LHFPL3: variants seen among roughly 807,000 people sequenced by gnomAD.
LHFPL3 encodes the protein LHFPL tetraspan subfamily member 3.
LHFPL3 carries 5 observed loss-of-function variants against 19.3 expected under a neutral mutation model. The observed-to-expected ratio is 0.26, with a 90% CI of 0.14 to 0.54. The LOEUF (loss-of-function observed/expected upper bound fraction) is 0.54. Among genes scored for constraint, LHFPL3 ranks in the 20% least tolerant of loss-of-function variants. The pLI is 0.94. For synonymous variants in LHFPL3, 133 were observed against 126.2 expected, an observed-to-expected ratio of 1.05 and a Z score of -0.36; for missense variants, 249 against 307.4, an observed-to-expected ratio of 0.81 and a Z score of 1.42.
chr7:104,369,613 T>G (rs868419166), intron 1 of LHFPL3, among the ~76,000 whole-genome samples: 16 of 152,370 alleles, frequency 1.1e-4, no homozygotes, highest in African/African-American at 3.6e-4. Flanking sequence ...TAAACTATTT[T>G]CTGGAGTGGG....
At chr7:104,761,645 G>A (rs150833602) in intron 2 of LHFPL3, among the ~76,000 whole-genome samples, 124 of 152,182 alleles carry the variant, frequency 8.1e-4, no homozygotes, top group African/African-American at 2.8e-3. Flanking sequence ...TCTCTTTACC[G>A]TACAGTTCAT....
chr7:104,521,603 C>A (rs1289365640), intron 1 of LHFPL3, among the ~76,000 whole-genome samples: 1 of 151,994 alleles, frequency 6.6e-6, no homozygotes, highest in African/African-American at 2.4e-5. Flanking sequence ...GAACAGGCAA[C>A]CTACAAAATG....
chr7:104,573,205 G>A (rs1307319873), intron 1 of LHFPL3, among the ~76,000 whole-genome samples: 2 of 152,114 alleles, frequency 1.3e-5, no homozygotes, highest in Admixed American at 1.3e-4. Flanking sequence ...CTGAGGTCAG[G>A]AGTGCAAGAC....
At chr7:104,856,201 C>A (rs1036657231) in intron 2 of LHFPL3, among the ~76,000 whole-genome samples, 1 of 150,676 alleles carries the variant, frequency 6.6e-6, no homozygotes, top group African/African-American at 2.4e-5. Flanking sequence ...AATGCCAATG[C>A]CTGCACTCTG....
intron 1 of LHFPL3, among the ~76,000 whole-genome samples, chr7:104,530,093 G>A (rs527241331): frequency 6.6e-6 from 1 of 152,298 alleles, no homozygotes; most frequent in African/African-American, 2.4e-5. Context: ...GTTAAAAATA[G>A]TGTGATGTTT....
intron 2 of LHFPL3, among the ~76,000 whole-genome samples, chr7:104,860,218 A>T (rs1791594282): frequency 1.3e-5 from 2 of 150,652 alleles, no homozygotes; most frequent in South Asian, 4.2e-4. Context: ...GCATACCTCA[A>T]ATGGCCTTTT....
At chr7:104,346,344 T>C (rs12333839) in intron 1 of LHFPL3, among the ~76,000 whole-genome samples, 70,670 of 150,742 alleles carry the variant, frequency 0.47, 17,140 homozygotes, top group East Asian at 0.71. Flanking sequence ...GGGTTTTTTT[T>C]TTTTTTTTTG....
rs1792615928 is a variant in LHFPL3 at position 104,906,364 on chromosome 7, T to G, written c.*149T>G. 1 of 888,184 alleles carries G rather than the reference T, an allele frequency of 1.1e-6. No homozygotes were observed. The highest frequency in any genetic ancestry group is 2.7e-5 in the East Asian group (1 of 36,458). 55.0% of individuals were successfully genotyped at this position (888,184 alleles called of 1,614,324 possible). A position where few individuals can be genotyped will look rare whatever the true frequency, so the allele number is the denominator to read the frequency against. ...TATGAACAAGAATGGAACATTCACTTGTCAACGCACTTTCTAAATCTAGAT... is the reference window on the plus strand; with the variant it reads ...TATGAACAAGAATGGAACATTCACTGGTCAACGCACTTTCTAAATCTAGAT... On this transcript the variant is annotated 3_prime_UTR_variant, in exon 3 of 3. Transcript: ENST00000424859.
intron 1 of LHFPL3, among the ~76,000 whole-genome samples, chr7:104,386,701 A>G (rs1790950864): frequency 6.6e-6 from 1 of 152,248 alleles, no homozygotes; most frequent in Non-Finnish European, 1.5e-5. Flanking sequence ...ACCTCTTGGC[A>G]AAGAATGGGA....
chr7:104,430,403 TAC>T (rs1351125831), intron 1 of LHFPL3, among the ~76,000 whole-genome samples: 972 of 39,356 alleles, frequency 0.025, 46 homozygotes, highest in African/African-American at 0.046. Context: ...TATATATATA[TAC>T]ATATATATAT....
intron 1 of LHFPL3, among the ~76,000 whole-genome samples, chr7:104,714,970 C>A (rs1308135577): frequency 6.6e-6 from 1 of 151,780 alleles, no homozygotes; most frequent in Admixed American, 6.6e-5. Flanking sequence ...TACTTATATA[C>A]CTGTGTATAT....
At chr7:104,598,243 G>A (rs900983982) in intron 1 of LHFPL3, among the ~76,000 whole-genome samples, 1 of 152,138 alleles carries the variant, frequency 6.6e-6, no homozygotes, top group Non-Finnish European at 1.5e-5. Flanking sequence ...ATCTCGATTG[G>A]TTCAGTTCAT....
intron 1 of LHFPL3, among the ~76,000 whole-genome samples, chr7:104,702,632 T>C (rs2116180325): frequency 6.6e-6 from 1 of 152,360 alleles, no homozygotes; most frequent in South Asian, 2.1e-4. Flanking sequence ...TTCCATTTCT[T>C]TGAAGAAAGC....
intron 1 of LHFPL3, among the ~76,000 whole-genome samples, chr7:104,498,755 G>GGT (rs1384860273): frequency 6.6e-6 from 1 of 152,114 alleles, no homozygotes; most frequent in Admixed American, 6.6e-5. Flanking sequence ...TGGGATTATA[G>GGT]GTGTGAGCCA....
intron 2 of LHFPL3, among the ~76,000 whole-genome samples, chr7:104,820,250 A>AGCAAATGAATGAAAGGGTGAGCAGAGT (rs1790651349): frequency 6.6e-6 from 1 of 152,196 alleles, no homozygotes; most frequent in South Asian, 2.1e-4. Context: ...CTGCAAGAAA[A>AGCAAATGAATGAAAGGGTGAGCAGAGT]GCAAATGAAT....
At chr7:104,699,045 T>C (rs1023048531) in intron 1 of LHFPL3, among the ~76,000 whole-genome samples, 3 of 152,162 alleles carry the variant, frequency 2.0e-5, no homozygotes, top group African/African-American at 7.2e-5. Flanking sequence ...AAATAACAAG[T>C]GTTGGCAAGG....
chr7:104,334,457 G>A (rs969125155), intron 1 of LHFPL3, among the ~76,000 whole-genome samples: 9 of 152,302 alleles, frequency 5.9e-5, no homozygotes, highest in East Asian at 1.9e-4. Flanking sequence ...TGAGGCAGGC[G>A]AATCACTTGA....
At chr7:104,829,497 CAGTCCCCGG>C (rs1394803981) in intron 2 of LHFPL3, among the ~76,000 whole-genome samples, 1 of 151,578 alleles carries the variant, frequency 6.6e-6, no homozygotes, top group African/African-American at 2.4e-5. Context: ...TACCCCACAA[CAGTCCCCGG>C]AGTGTGATGT....
chr7:104,557,838 C>A (rs1401942723), intron 1 of LHFPL3, among the ~76,000 whole-genome samples: 102 of 150,124 alleles, frequency 6.8e-4, no homozygotes, highest in African/African-American at 2.3e-3. Flanking sequence ...CTCCCCCCAC[C>A]CCACCACAGT....
Sources: gnomAD v4.1 joint callset for allele counts (sites outside exome capture counted in the v4.1 genomes callset) on GRCh38, gnomAD v4.1.1 for gene constraint, MANE v1.5 for transcripts, NCBI Gene and HGNC (gene_info 2026-07-23, HGNC 2026-07-21) for gene names.